The following CDH4 variants were observed in gnomAD, a reference collection of about 807,000 sequenced individuals.
CDH4 encodes cadherin 4, also known as cadherin-4.
Under a neutral mutation model 86.0 loss-of-function variants are expected in CDH4, and 33 were observed. That is an observed-to-expected ratio of 0.38 (90% confidence interval 0.29 to 0.51). CDH4 has a LOEUF of 0.51. Ranked by LOEUF, CDH4 falls within the 20% of genes least tolerant of loss-of-function variation. The pLI, the probability that CDH4 is intolerant of heterozygous loss-of-function variation, is 0.86. For missense variants in CDH4, 1,114 were observed against 1,307.4 expected, an observed-to-expected ratio of 0.85 and a Z score of 2.28; for synonymous variants, 555 against 549.4, an observed-to-expected ratio of 1.01 and a Z score of -0.14.
Position 61,928,394 on chromosome 20 carries a change from G to A in CDH4, c.1976G>A (p.Arg659Gln), listed in dbSNP as rs765815715. ...FELPFVPAAV[R>Q]KNWTITRLNG... ...CTGCCCTTTGTCCCGGCGGCCGTGC[G>A]GAAGAACTGGACCATCACCCGCCTG... Residue 659 changes from arginine (R) to glutamine (Q), a missense_variant, in exon 12 of 16, where the codon CGG becomes CAG. Around this residue, in one of 3 missense-constraint regions of CDH4, gnomAD observed 705 missense variants for 914.1 expected, o/e 0.77. Coordinates refer to ENST00000614565, the MANE Select transcript of CDH4 (RefSeq NM_001794.5). 2.3e-5 allele frequency: 37 copies of A among 1,611,794 alleles called. No homozygotes were observed. Among genetic ancestry groups the A allele is most frequent in the South Asian group, 5.5e-5 (5 of 91,084 alleles).
At chr20:61,486,198 C>T (rs1181246307) in intron 2 of CDH4, among the ~76,000 whole-genome samples, 1 of 152,248 alleles carries the variant, frequency 6.6e-6, no homozygotes, top group African/African-American at 2.4e-5. Context: ...TTCCACACCG[C>T]CATGCTGTAA....
intron 2 of CDH4, among the ~76,000 whole-genome samples, chr20:61,419,813 G>C (rs551958126): frequency 4.6e-5 from 7 of 152,336 alleles, no homozygotes; most frequent in South Asian, 4.1e-4. Flanking sequence ...ACAGCCCCGT[G>C]GCTGGCACAT....
chr20:61,662,873 G>A (rs536010627), intron 2 of CDH4, among the ~76,000 whole-genome samples: 7 of 151,278 alleles, frequency 4.6e-5, no homozygotes, highest in Non-Finnish European at 1.0e-4. Context: ...GGGTAGAGCC[G>A]GTGGTGCAGG....
intron 2 of CDH4, among the ~76,000 whole-genome samples, chr20:61,280,388 C>A (rs1302841716): frequency 6.6e-6 from 1 of 152,198 alleles, no homozygotes; most frequent in African/African-American, 2.4e-5. Flanking sequence ...CCTCCCAAGG[C>A]GGGGGCGTGT....
At chr20:61,834,692 A>G (rs144515824) in intron 4 of CDH4, among the ~76,000 whole-genome samples, 2 of 151,670 alleles carry the variant, frequency 1.3e-5, no homozygotes, top group East Asian at 1.9e-4. Context: ...ACGCTGCGCT[A>G]CAGGTTGACA....
chr20:61,350,713 G>GCC (rs145818012), intron 2 of CDH4, among the ~76,000 whole-genome samples: 1 of 151,302 alleles, frequency 6.6e-6, no homozygotes, highest in Admixed American at 6.6e-5. Context: ...TCAGGCAGAG[G>GCC]CCCCCCCCCA....
chr20:61,565,170 G>GGGTGGT (rs1345477009), intron 2 of CDH4, among the ~76,000 whole-genome samples: 11 of 127,148 alleles, frequency 8.7e-5, no homozygotes, highest in South Asian at 3.1e-4. Flanking sequence ...CTTGGTGATG[G>GGGTGGT]GGTGGTGGTG....
intron 2 of CDH4, among the ~76,000 whole-genome samples, chr20:61,529,525 A>G (rs1390663507): frequency 6.6e-6 from 1 of 152,250 alleles, no homozygotes. Flanking sequence ...GTGTTGCAAC[A>G]TGCCATGGAA....
At chr20:61,932,262 T>G (rs1045875209) in intron 13 of CDH4, among the ~76,000 whole-genome samples, 5 of 152,156 alleles carry the variant, frequency 3.3e-5, no homozygotes, top group Admixed American at 3.3e-4. Flanking sequence ...AGAGGCACCC[T>G]GAGCTGGCTG....
At chr20:61,551,058 T>A (rs2086125805) in intron 2 of CDH4, among the ~76,000 whole-genome samples, 1 of 152,192 alleles carries the variant, frequency 6.6e-6, no homozygotes, top group Admixed American at 6.5e-5. Flanking sequence ...AAATTCAGTT[T>A]CCTCAAATAC....
At chr20:61,594,038 C>G (rs953323732) in intron 2 of CDH4, among the ~76,000 whole-genome samples, 1 of 88,800 alleles carries the variant, frequency 1.1e-5, no homozygotes, top group African/African-American at 4.5e-5. Context: ...GGAGGGGGAG[C>G]TGAGCTGGCG....
At chr20:61,769,796 A>T (rs2088752551) in intron 3 of CDH4, among the ~76,000 whole-genome samples, 1 of 152,212 alleles carries the variant, frequency 6.6e-6, no homozygotes, top group African/African-American at 2.4e-5. Context: ...CCTGTGGGCT[A>T]TGTTGGCGTT....
chr20:61,639,113 C>A (rs370976903), intron 2 of CDH4, among the ~76,000 whole-genome samples: 4 of 152,202 alleles, frequency 2.6e-5, no homozygotes, highest in Admixed American at 2.6e-4. Flanking sequence ...AGCCTGTGTG[C>A]GGGATAAACG....
intron 2 of CDH4, among the ~76,000 whole-genome samples, chr20:61,542,240 G>A (rs568173932): frequency 4.5e-4 from 69 of 152,298 alleles, no homozygotes; most frequent in Non-Finnish European, 8.1e-4. Context: ...CCGATTTTCT[G>A]TTGTTATAAA....
At position 61,807,508 on chromosome 20, in the gene CDH4, G is replaced by C. The variant is rs1056848463; in HGVS notation, c.576+34326G>C. On this transcript the variant is annotated intron_variant, in intron 4 of 15. Coordinates refer to ENST00000614565, the MANE Select transcript of CDH4 (RefSeq NM_001794.5). This position sits in a 1 kb window ranked among gnomAD's most constrained non-coding sequence, Gnocchi z 4.5. The stretch of plus-strand genomic sequence containing the variant: ...TTTCTACTCCATCTCCTCCCGGCTG[G>C]GAAGTTGCAGCCCTTTCTCCCCGTC... Among the ~76,000 whole-genome samples, 17 of 152,210 alleles carry C rather than the reference G, an allele frequency of 1.1e-4. No individual in the cohort carries two copies. Among genetic ancestry groups the C allele is most frequent in the African/African-American group, 3.9e-4 (16 of 41,452 alleles).
Position 61,478,009 on chromosome 20 carries a change from G to A in CDH4, c.169+223072G>A, listed in dbSNP as rs981793221. ...TTTATGAGATGTAAATATAACTTCGGTAAGATGGGAGTCTGAAGCTGTCTA... is the reference window on the plus strand; with the variant it reads ...TTTATGAGATGTAAATATAACTTCGATAAGATGGGAGTCTGAAGCTGTCTA... On this transcript the variant is annotated intron_variant, in intron 2 of 15. Coordinates refer to ENST00000614565, the MANE Select transcript of CDH4 (RefSeq NM_001794.5). Among the ~76,000 whole-genome samples, 5 of 152,294 alleles carry A rather than the reference G, an allele frequency of 3.3e-5. No homozygotes were observed. In the East Asian group the frequency reaches 9.6e-4, roughly 29 times the overall value.
intron 2 of CDH4, among the ~76,000 whole-genome samples, chr20:61,598,623 GC>G (rs1470572032): frequency 1.3e-5 from 2 of 152,138 alleles, no homozygotes; most frequent in Non-Finnish European, 2.9e-5. Flanking sequence ...TGCAGAGGGA[GC>G]CCCCACCTCC....
At chr20:61,652,938 A>ATTTATTTTTTTTT (rs1555819716) in intron 2 of CDH4, among the ~76,000 whole-genome samples, 2 of 97,438 alleles carry the variant, frequency 2.1e-5, no homozygotes, top group African/African-American at 6.7e-5. Context: ...TTATTTATTT[A>ATTTATTTTTTTTT]TTTTTTTTTT....
In CDH4 at chr20:61,798,492, A is replaced by G. The variant is rs534052486; in HGVS notation, c.576+25310A>G. Among the ~76,000 whole-genome samples, 245 of 152,180 alleles carry G rather than the reference A, an allele frequency of 1.6e-3. 2 individuals carry two copies. The highest frequency in any genetic ancestry group is 5.6e-3 in the African/African-American group (233 of 41,528). The stretch of plus-strand genomic sequence containing the variant: ...CCCCGGGGTGCATCGCGCTGATTCC[A>G]CTGCAGGCGGGTGGGCCCCTCAGGA... On this transcript the variant is annotated intron_variant, in intron 4 of 15. Coordinates refer to ENST00000614565, the MANE Select transcript of CDH4 (RefSeq NM_001794.5).
Sources: allele counts gnomAD v4.1 joint callset (sites outside exome capture counted in the v4.1 genomes callset), GRCh38; gene constraint gnomAD v4.1.1; regional missense constraint gnomAD v4.1.1; non-coding constraint Gnocchi (gnomAD v3.1); transcripts MANE v1.5; gene names NCBI Gene and HGNC (gene_info 2026-07-23, HGNC 2026-07-21).